The following DCBLD2 variants were observed in gnomAD, a reference collection of about 807,000 sequenced individuals.
DCBLD2 encodes the protein discoidin, CUB and LCCL domain containing 2.
In DCBLD2, 54 loss-of-function variants were observed where a neutral mutation model predicts 86.8. The ratio of observed to expected loss-of-function variants is 0.62; its 90% CI spans 0.50 to 0.78. DCBLD2 has a LOEUF of 0.78. DCBLD2 is among the 30% of genes least tolerant of loss of function. The probability of loss-of-function intolerance (pLI) is 0.00; values close to 1 mark genes in which losing one functional copy is unlikely to be tolerated. For synonymous variants in DCBLD2, 354 were observed against 341.3 expected (o/e 1.04, Z -0.41); for missense variants, 908 against 954.2 (o/e 0.95, Z 0.64).
At chr3:98,843,717 A>G (rs1321962031) in intron 3 of DCBLD2, among the ~76,000 whole-genome samples, 1 of 152,184 alleles carries the variant, frequency 6.6e-6, no homozygotes, top group Admixed American at 6.6e-5. Flanking sequence ...ATCTTGTTAA[A>G]TGGGAATATT....
At chr3:98,818,760 C>A (rs766977642) in intron 8 of DCBLD2, among the ~76,000 whole-genome samples, 1 of 152,188 alleles carries the variant, frequency 6.6e-6, no homozygotes, top group African/African-American at 2.4e-5. Flanking sequence ...ATGCTTCCTG[C>A]CCTTGAACAT....
Position 98,892,837 on chromosome 3 carries a change from T to C in DCBLD2, c.205+8285A>G, listed in dbSNP as rs117675120. On this transcript the variant is annotated intron_variant, in intron 1 of 15. Transcript: ENST00000326840. ...AAGCTGGCTTTTAGGATGCCAAGAGTAGACAGAAACAAAGGTATATCAGGA... is the reference window on the plus strand; with the variant it reads ...AAGCTGGCTTTTAGGATGCCAAGAGCAGACAGAAACAAAGGTATATCAGGA... Among the ~76,000 whole-genome samples the C allele has an allele frequency of 1.2e-3, 189 of 151,790 alleles. 1 individual carries two copies. The East Asian group carries it at 0.016, about 13-fold the overall frequency.
At chr3:98,895,940 A>G (rs1338354769) in intron 1 of DCBLD2, among the ~76,000 whole-genome samples, 1 of 152,180 alleles carries the variant, frequency 6.6e-6, no homozygotes, top group Non-Finnish European at 1.5e-5. Flanking sequence ...AGAATGATAA[A>G]GAGTGCCAAT....
rs1193485137 is a variant in DCBLD2 at position 98,881,665 on chromosome 3, A to C, written c.308T>G (p.Ile103Ser). 6.2e-7 allele frequency: 1 copy of C among 1,613,916 alleles called. No homozygotes were observed. Among genetic ancestry groups the C allele is most frequent in the East Asian group, 2.2e-5 (1 of 44,868 alleles). Residue 103 changes from isoleucine to serine, a missense_variant, in exon 2 of 16, where the codon ATC becomes AGC. Physicochemically the swap from Ile to Ser is moderately radical, Grantham distance 142 (BLOSUM62 -2). Around this residue, in one of 3 missense-constraint regions of DCBLD2, gnomAD observed 294 missense variants for 256.0 expected, o/e 1.15. Transcript: ENST00000326840. ...YPNSTVCEWE[I>S]RVKMGERVRI... ...AACTCTCTCTCCCATCTTTACACGG[A>C]TCTCCCATTCACAAACAGTGCTGTT...
Position 98,800,600 on chromosome 3 carries a change from C to A in DCBLD2, c.1837G>T (p.Val613Leu). The A allele has an allele frequency of 6.2e-7, 1 of 1,613,846 alleles. No homozygotes were observed. The highest frequency in any genetic ancestry group is 8.5e-7 in the Non-Finnish European group (1 of 1,179,812). ...NHLSPREVTT[V>L]LQADSAEYAQ... ...TTACCTGCAGAGTCAGCCTGCAGCA[C>A]TGTGGTGACTTCTCTTGGACTCAGG... The change falls in exon 15 of 16, where the codon GTG (valine) becomes TTG (leucine). Residue 613 changes from valine (V) to leucine (L), a missense_variant. Physicochemically the swap from Val to Leu is conservative, Grantham distance 32 (BLOSUM62 1). This residue lies in a region of DCBLD2 where 606 missense variants were observed against 678.5 expected (regional missense o/e 0.89). Coordinates refer to ENST00000326840, the MANE Select transcript of DCBLD2 (RefSeq NM_080927.4).
At chr3:98,822,937 T>C (rs186818159) in intron 4 of DCBLD2, among the ~76,000 whole-genome samples, 196 bp from the exon 5 acceptor site, 4 of 152,228 alleles carry the variant, frequency 2.6e-5, no homozygotes, top group East Asian at 1.9e-4. Context: ...CAATGGCACC[T>C]TCTTGGCTCA....
At chr3:98,856,809 T>C (rs1942937944) in intron 2 of DCBLD2, among the ~76,000 whole-genome samples, 1 of 151,898 alleles carries the variant, frequency 6.6e-6, no homozygotes. Context: ...GAATTACAGA[T>C]TCTAACGAAA....
At chr3:98,846,355 T>A (rs996517772) in intron 3 of DCBLD2, among the ~76,000 whole-genome samples, 5 of 152,228 alleles carry the variant, frequency 3.3e-5, no homozygotes, top group African/African-American at 1.2e-4. Context: ...AAAATATTTA[T>A]GGAATTCATT....
At chr3:98,897,511 T>G (rs955382218) in intron 1 of DCBLD2, among the ~76,000 whole-genome samples, 13 of 152,178 alleles carry the variant, frequency 8.5e-5, no homozygotes, top group African/African-American at 2.9e-4. Flanking sequence ...TTACAAATGT[T>G]TATTTGCAGA....
intron 1 of DCBLD2, among the ~76,000 whole-genome samples, chr3:98,882,129 T>C (rs965790139): frequency 1.3e-5 from 2 of 152,198 alleles, no homozygotes; most frequent in Admixed American, 1.3e-4. Context: ...AGACCTGACA[T>C]TGTTCTTAGT....
intron 2 of DCBLD2, among the ~76,000 whole-genome samples, chr3:98,852,650 A>AT (rs1942861469): frequency 1.3e-5 from 2 of 152,230 alleles, no homozygotes; most frequent in African/African-American, 4.8e-5. Flanking sequence ...GCCTGAACTA[A>AT]TCAGGTAGGC....
At chr3:98,826,117 C>T (rs1385984506) in intron 3 of DCBLD2, among the ~76,000 whole-genome samples, 1 of 151,944 alleles carries the variant, frequency 6.6e-6, no homozygotes, top group African/African-American at 2.4e-5. Context: ...ACTAATCTGC[C>T]TCTAATTAAG....
intron 3 of DCBLD2, among the ~76,000 whole-genome samples, chr3:98,839,919 C>G (rs1177484925): frequency 6.6e-6 from 1 of 152,132 alleles, no homozygotes; most frequent in Non-Finnish European, 1.5e-5. Context: ...CTCTTAAAAT[C>G]GGTGAGGGAG....
Position 98,822,370 on chromosome 3 carries a change from A to T in DCBLD2, c.697-9T>A. The T allele has an allele frequency of 6.2e-7, 1 of 1,606,034 alleles. No homozygotes were observed. Among genetic ancestry groups the T allele is most frequent in the Non-Finnish European group, 8.5e-7 (1 of 1,177,638 alleles). ...ATGCACAATGGCGAGGACTTAAGGA[A>T]GGGAAAAGAAAAGATTCATTTTTAA... is the stretch of plus-strand genomic sequence containing the variant. On this transcript the variant is annotated splice_polypyrimidine_tract_variant and intron_variant, in intron 5 of 15. Coordinates refer to ENST00000326840, the MANE Select transcript of DCBLD2 (RefSeq NM_080927.4).
At chr3:98,831,206 A>T (rs548930035) in intron 3 of DCBLD2, among the ~76,000 whole-genome samples, 186 of 138,960 alleles carry the variant, frequency 1.3e-3, no homozygotes, top group African/African-American at 4.5e-3. Context: ...TGCTGAGCTA[A>T]TTTTTTTTTT....
At chr3:98,801,543 C>CA in intron 14 of DCBLD2, 57 bp downstream of exon 14, 1 of 1,441,792 alleles carries the variant, frequency 6.9e-7, no homozygotes, top group Non-Finnish European at 9.6e-7. Context: ...CTACTGCCCC[C>CA]TGTAGGGGAG....
At chr3:98,801,911 T>C (rs1252708806) in intron 13 of DCBLD2, 2 of 349,000 alleles carry the variant, frequency 5.7e-6, no homozygotes, top group Non-Finnish European at 1.1e-5. Flanking sequence ...CTGCATAGTA[T>C]TCCATGGTGT....
intron 14 of DCBLD2, chr3:98,801,268 A>G (rs1941713261): frequency 3.3e-6 from 1 of 306,616 alleles, no homozygotes; most frequent in Non-Finnish European, 6.0e-6. Flanking sequence ...CCTGGAGACC[A>G]CAGTCTTTTG....
At chr3:98,899,260 C>CTT (rs10605926) in intron 1 of DCBLD2, among the ~76,000 whole-genome samples, 5 of 101,762 alleles carry the variant, frequency 4.9e-5, no homozygotes, top group East Asian at 3.2e-4. Flanking sequence ...ATTTCTTTTT[C>CTT]TTTTTTTTTT....
Sources: allele counts gnomAD v4.1 joint callset (sites outside exome capture counted in the v4.1 genomes callset), GRCh38; gene constraint gnomAD v4.1.1; regional missense constraint gnomAD v4.1.1; transcripts MANE v1.5; gene names NCBI Gene and HGNC (gene_info 2026-07-23, HGNC 2026-07-21).